The following WDR45B variants were observed in gnomAD, a reference collection of about 807,000 sequenced individuals.
WDR45B encodes the protein WD repeat domain phosphoinositide-interacting protein 3.
WDR45B carries 20 observed loss-of-function variants against 44.6 expected under a neutral mutation model. The ratio of observed to expected loss-of-function variants is 0.45; its 90% CI spans 0.32 to 0.65. The LOEUF (loss-of-function observed/expected upper bound fraction) is 0.65. Among genes scored for constraint, WDR45B ranks in the 30% least tolerant of loss-of-function variants. The pLI, the probability that WDR45B is intolerant of heterozygous loss-of-function variation, is 0.05. For missense variants in WDR45B, 323 were observed against 430.2 expected (o/e 0.75, Z 2.20); for synonymous variants, 169 against 164.9 (o/e 1.02, Z -0.19).
intron 2 of WDR45B, among the ~76,000 whole-genome samples, chr17:82,635,284 C>T (rs969414755): frequency 2.0e-5 from 3 of 151,700 alleles, no homozygotes; most frequent in Admixed American, 2.0e-4. Flanking sequence ...ATCTGAGTGA[C>T]CTGAGAATTA....
At chr17:82,638,332 G>A (rs183609712) in intron 2 of WDR45B, among the ~76,000 whole-genome samples, 36 of 148,858 alleles carry the variant, frequency 2.4e-4, no homozygotes, top group Non-Finnish European at 4.7e-4. Flanking sequence ...GTGGTGGTGG[G>A]GAGACAGGAC....
chr17:82,635,246 A>G (rs756244639), intron 2 of WDR45B, among the ~76,000 whole-genome samples: 14 of 151,838 alleles, frequency 9.2e-5, no homozygotes, highest in South Asian at 2.1e-4. Flanking sequence ...TATTTCCTCA[A>G]TGTAGGTTCA....
At chr17:82,618,031 C>T (rs927075165) in intron 7 of WDR45B, among the ~76,000 whole-genome samples, 1 of 151,930 alleles carries the variant, frequency 6.6e-6, no homozygotes, top group Non-Finnish European at 1.5e-5. Flanking sequence ...CAGGTTCAAG[C>T]GATCCTCCTG....
intron 5 of WDR45B, among the ~76,000 whole-genome samples, 195 bp from the exon 6 acceptor site, chr17:82,621,994 ACCT>A (rs755893775): frequency 6.6e-6 from 1 of 152,092 alleles, no homozygotes; most frequent in Non-Finnish European, 1.5e-5. Context: ...CTCGCATGAG[ACCT>A]CCTCATAATC....
chr17:82,625,875 C>CATT (rs1347508077), intron 4 of WDR45B: 186 of 265,500 alleles, frequency 7.0e-4, no homozygotes, highest in African/African-American at 4.0e-3. Context: ...CAAGCGTTTG[C>CATT]ATTATTATTA....
chr17:82,623,054 C>T (rs2045640297), intron 5 of WDR45B, among the ~76,000 whole-genome samples: 1 of 152,170 alleles, frequency 6.6e-6, no homozygotes, highest in Admixed American at 6.5e-5. Context: ...TTTAGCAATA[C>T]TTGCAAAAGT....
At chr17:82,637,746 G>A (rs61387295) in intron 2 of WDR45B, among the ~76,000 whole-genome samples, 4 of 151,990 alleles carry the variant, frequency 2.6e-5, no homozygotes, top group African/African-American at 9.7e-5. Context: ...CAAGGTATTA[G>A]GGGAAGGACA....
chr17:82,616,768 A>AT (rs561826637), intron 8 of WDR45B, 123 bp from the exon 9 acceptor site: 2,974 of 1,249,366 alleles, frequency 2.4e-3, no homozygotes, highest in Non-Finnish European at 2.7e-3. Flanking sequence ...GCTTTAATGA[A>AT]TTTTTTTTTT....
intron 1 of WDR45B, among the ~76,000 whole-genome samples, chr17:82,647,460 C>T (rs796226605): frequency 8.5e-5 from 13 of 152,344 alleles, no homozygotes; most frequent in African/African-American, 2.9e-4. Context: ...CGCGGGAATC[C>T]GACCGCGCCG....
At chr17:82,629,952 C>T (rs952803042) in intron 3 of WDR45B, 4 of 985,222 alleles carry the variant, frequency 4.1e-6, no homozygotes, top group Non-Finnish European at 4.8e-6. Context: ...CTGAGCCTCT[C>T]CTTCCCTCCT....
chr17:82,630,388 C>T (rs1160978237), intron 3 of WDR45B, among the ~76,000 whole-genome samples: 6 of 149,804 alleles, frequency 4.0e-5, no homozygotes, highest in African/African-American at 1.5e-4. Flanking sequence ...CCTCAACCAA[C>T]AGCGAGGTTA....
rs976720284 is a variant in WDR45B at position 82,615,671 on chromosome 17, G to C, written c.*248C>G. ...GCTAACGTCACAGCTGAACTCATGG[G>C]AACAGCCAGTGGCCGCCAGTCGAGC... On this transcript the variant is annotated 3_prime_UTR_variant, in exon 10 of 10. Transcript: ENST00000392325. 1.1e-5 allele frequency: 6 copies of C among 539,544 alleles called. No homozygotes were observed. The highest frequency in any genetic ancestry group is 2.0e-5 in the Non-Finnish European group (6 of 298,532). The allele number at this position is 539,544 out of a possible 1,614,324, so 33.4% of individuals were successfully genotyped here.
chr17:82,629,701 T>C (rs1236042813), intron 3 of WDR45B: 17 of 970,958 alleles, frequency 1.8e-5, no homozygotes, highest in Non-Finnish European at 2.4e-6. Context: ...CTTCCGCACA[T>C]TCACGTTCAC....
intron 2 of WDR45B, among the ~76,000 whole-genome samples, chr17:82,632,730 A>G (rs2045783841): frequency 6.6e-6 from 1 of 152,118 alleles, no homozygotes; most frequent in Non-Finnish European, 1.5e-5. Context: ...TCTTCGAGAT[A>G]TTTAAAATTC....
At chr17:82,637,578 A>T (rs1384365761) in intron 2 of WDR45B, among the ~76,000 whole-genome samples, 5 of 151,932 alleles carry the variant, frequency 3.3e-5, no homozygotes, top group Non-Finnish European at 7.4e-5. Context: ...GAACCTTCAA[A>T]ACTTCTGACT....
intron 3 of WDR45B, among the ~76,000 whole-genome samples, chr17:82,627,686 C>T (rs1361190302): frequency 6.6e-6 from 1 of 152,268 alleles, no homozygotes; most frequent in East Asian, 1.9e-4. Flanking sequence ...GTCCGTTCCT[C>T]TCTCAGTGCG....
At position 82,630,910 on chromosome 17, in the gene WDR45B, A is replaced by G. The variant is rs767612832; in HGVS notation, c.244+11T>C. 24 of 1,610,744 alleles carry G rather than the reference A, an allele frequency of 1.5e-5. No individual in the cohort carries two copies. The highest frequency in any genetic ancestry group is 1.8e-5 in the Non-Finnish European group (21 of 1,178,718). ...CGTGAGGCATGATTCTTCAATACAC[A>G]ATTACAGTACCTTTGTTGGGAGGGT... On this transcript the variant is annotated intron_variant, in intron 3 of 9. Coordinates refer to ENST00000392325, the MANE Select transcript of WDR45B (RefSeq NM_019613.4).
chr17:82,638,248 AGGGGAGG>A (rs2045864414), intron 2 of WDR45B, among the ~76,000 whole-genome samples: 2 of 5,126 alleles, frequency 3.9e-4, no homozygotes, highest in African/African-American at 2.7e-3. Flanking sequence ...AGGGGAGGGG[AGGGGAGG>A]GGAGGGGAGG....
chr17:82,636,333 T>TA lies in WDR45B; in HGVS notation c.143-5312dup, dbSNP rs566291569. On this transcript the variant is annotated intron_variant, in intron 2 of 9. Coordinates refer to ENST00000392325, the MANE Select transcript of WDR45B (RefSeq NM_019613.4). Reference sequence around the variant, plus strand: ...AGTTAGCTATGCGGTCTCTGGGTTTTAAAAATGGAAAGAAAAAAAAGAAAA... The same window carrying TA: ...AGTTAGCTATGCGGTCTCTGGGTTTTAAAAAATGGAAAGAAAAAAAAGAAAA... Among the ~76,000 whole-genome samples, 25 of 151,180 alleles carry TA rather than the reference T, an allele frequency of 1.7e-4. No homozygotes were observed. In the South Asian group the frequency reaches 5.0e-3, roughly 30 times the overall value.
Sources: gnomAD v4.1 joint callset for allele counts (sites outside exome capture counted in the v4.1 genomes callset) on GRCh38, gnomAD v4.1.1 for gene constraint, MANE v1.5 for transcripts, NCBI Gene and HGNC (gene_info 2026-07-23, HGNC 2026-07-21) for gene names.